LRRC1: variants seen among roughly 807,000 people sequenced by gnomAD.
LRRC1 encodes leucine rich repeat containing 1, also known as leucine-rich repeat-containing protein 1.
A neutral mutation model predicts 69.9 loss-of-function variants in LRRC1; 28 were observed. That is an observed-to-expected ratio of 0.40 (90% CI 0.30 to 0.55). The LOEUF is 0.55. LRRC1 is among the 20% of genes least tolerant of loss of function. LRRC1 has a pLI of 0.47. For synonymous variants in LRRC1, 236 were observed against 240.2 expected, an observed-to-expected ratio of 0.98 and a Z score of 0.16; for missense variants, 498 against 609.0, an observed-to-expected ratio of 0.82 and a Z score of 1.92.
intron 3 of LRRC1, 146 bp from the exon 4 acceptor site, chr6:53,882,741 A>C (rs1767340683): frequency 1.8e-6 from 1 of 559,916 alleles, no homozygotes; most frequent in Non-Finnish European, 3.1e-6. Context: ...ATATATAGGA[A>C]GACAAGGCAA....
rs1326389962 is a variant in LRRC1, at chr6:53,923,810, G to A, written c.*1017G>A. ...ATTTTTATTCAAGAAAGCTTTAAAA[G>A]TTTTATATCCAGATATACAACCACA... On this transcript the variant is annotated 3_prime_UTR_variant, in exon 14 of 14. Coordinates refer to ENST00000370888, the MANE Select transcript of LRRC1 (RefSeq NM_018214.5). 7.9e-5 allele frequency: 12 copies of A among 152,656 alleles called. No homozygotes were observed. The East Asian group carries it at 2.3e-3, about 29-fold the overall frequency. The allele number at this position is 152,656 out of a possible 1,614,324, so 9.5% of individuals were successfully genotyped here. A position where few individuals can be genotyped will look rare whatever the true frequency, so the allele number is the denominator to read the frequency against.
intron 1 of LRRC1, among the ~76,000 whole-genome samples, chr6:53,835,677 C>T (rs1291413675): frequency 2.6e-5 from 4 of 151,962 alleles, no homozygotes; most frequent in African/African-American, 9.7e-5. Flanking sequence ...TGTCTATATC[C>T]TTTTCATATA....
chr6:53,800,077 C>G (rs1169027299), intron 1 of LRRC1, among the ~76,000 whole-genome samples: 1 of 152,128 alleles, frequency 6.6e-6, no homozygotes, highest in Non-Finnish European at 1.5e-5. Context: ...CTTGGAGACT[C>G]TGTTCAAGCC....
At chr6:53,834,965 AAAT>A (rs1279206307) in intron 1 of LRRC1, among the ~76,000 whole-genome samples, 1 of 152,196 alleles carries the variant, frequency 6.6e-6, no homozygotes, top group Non-Finnish European at 1.5e-5. Flanking sequence ...CCGTCTCAAA[AAAT>A]AATAATAATA....
At chr6:53,798,348 CTG>C (rs774654777) in intron 1 of LRRC1, among the ~76,000 whole-genome samples, 1 of 152,188 alleles carries the variant, frequency 6.6e-6, no homozygotes, top group Non-Finnish European at 1.5e-5. Flanking sequence ...CTTGAGATGT[CTG>C]TGTGTTTTTG....
intron 4 of LRRC1, among the ~76,000 whole-genome samples, chr6:53,886,443 G>A (rs1581899676): frequency 1.3e-5 from 2 of 152,108 alleles, no homozygotes; most frequent in Admixed American, 6.5e-5. Context: ...TTATAATGGT[G>A]GTGGGTTAAA....
At chr6:53,849,016 C>G (rs1447413876) in intron 2 of LRRC1, among the ~76,000 whole-genome samples, 1 of 151,068 alleles carries the variant, frequency 6.6e-6, no homozygotes, top group East Asian at 1.9e-4. Context: ...CTCAGCCTCC[C>G]AAAGTGCTGG....
chr6:53,806,142 G>C (rs1157856847), intron 1 of LRRC1, among the ~76,000 whole-genome samples: 1 of 152,190 alleles, frequency 6.6e-6, no homozygotes, highest in East Asian at 1.9e-4. Context: ...CATCTCCTCT[G>C]TGGTCTCTGG....
chr6:53,804,622 ACT>A lies in LRRC1; in HGVS notation c.159+9208_159+9209del, dbSNP rs1204489466. ...AGTATTCCATTGTATTGGATATAGC[ACT>A]GTTATTTATTTTTTAACTCTTTTCC... is the stretch of plus-strand genomic sequence containing the variant. On this transcript the variant is annotated intron_variant, in intron 1 of 13. Transcript: ENST00000370888. 3.3e-5 allele frequency among the ~76,000 whole-genome samples: 5 copies of A among 152,300 alleles called. No individual in the cohort carries two copies. The South Asian group carries it at 1.0e-3, about 32-fold the overall frequency.
Position 53,920,753 on chromosome 6 carries a change from A to G in LRRC1, c.1408A>G (p.Asn470Asp), listed in dbSNP as rs1348940667. ...FVEDEKDEED[N>D]ETRTLLRRAT... is the part of the protein sequence containing the mutation. ...GGAGGATGAGAAAGATGAAGAAGAC[A>G]ATGAGACGGTATGGAAATGCAGATT... The change falls in exon 13 of 14, where the codon AAT becomes GAT. Residue 470 changes from asparagine (N) to aspartate (D), a missense_variant. Physicochemically the swap from Asn to Asp is conservative, Grantham distance 23. Around this residue, in one of 3 missense-constraint regions of LRRC1, gnomAD observed 162 missense variants for 162.9 expected, o/e 0.99. Coordinates refer to ENST00000370888, the MANE Select transcript of LRRC1 (RefSeq NM_018214.5). The G allele has an allele frequency of 6.2e-7, 1 of 1,614,192 alleles. No individual in the cohort carries two copies. The highest frequency in any genetic ancestry group is 1.1e-5 in the South Asian group (1 of 91,082).
At chr6:53,893,653 A>G (rs1224709086) in intron 4 of LRRC1, among the ~76,000 whole-genome samples, 2 of 152,144 alleles carry the variant, frequency 1.3e-5, no homozygotes, top group Non-Finnish European at 2.9e-5. Context: ...TTGAAACACT[A>G]ACAGTTCCAA....
At chr6:53,867,909 C>T (rs927705801) in intron 2 of LRRC1, among the ~76,000 whole-genome samples, 10 of 150,262 alleles carry the variant, frequency 6.7e-5, no homozygotes, top group Admixed American at 4.6e-4. Flanking sequence ...GCCAAGATTG[C>T]GCCACTGCAT....
intron 2 of LRRC1, among the ~76,000 whole-genome samples, chr6:53,863,451 C>T (rs186356110): frequency 6.6e-5 from 10 of 152,328 alleles, no homozygotes; most frequent in South Asian, 2.1e-4. Flanking sequence ...CTTCCGCTCC[C>T]GGGCTCTTCT....
chr6:53,916,172 C>T (rs1302834517), intron 11 of LRRC1, among the ~76,000 whole-genome samples: 3 of 152,156 alleles, frequency 2.0e-5, no homozygotes, highest in Non-Finnish European at 4.4e-5. Flanking sequence ...TTCCTTAATA[C>T]TTAGACTCTC....
chr6:53,874,355 A>G (rs1581891493), intron 2 of LRRC1, among the ~76,000 whole-genome samples: 1 of 151,992 alleles, frequency 6.6e-6, no homozygotes, highest in East Asian at 1.9e-4. Context: ...AGCTATATAT[A>G]TATGATATAT....
rs41273890 is a variant in LRRC1, at chr6:53,922,840, G to T, written c.*47G>T. 10,138 of 1,582,246 alleles carry T rather than the reference G, an allele frequency of 6.4e-3. 39 individuals are homozygous for T. Among genetic ancestry groups the T allele is most frequent in the Non-Finnish European group, 6.9e-3 (7,959 of 1,159,374 alleles). On this transcript the variant is annotated 3_prime_UTR_variant, in exon 14 of 14. Coordinates refer to ENST00000370888, the MANE Select transcript of LRRC1 (RefSeq NM_018214.5). ...CTCCTGTGTCTTCCTCTGCTGTCGA[G>T]ACGTTCCTGTCTGCTTCCCGGGAGC...
At chr6:53,848,944 A>G (rs932372555) in intron 2 of LRRC1, among the ~76,000 whole-genome samples, 2 of 150,926 alleles carry the variant, frequency 1.3e-5, no homozygotes, top group Non-Finnish European at 2.9e-5. Flanking sequence ...TTTAGTAGAG[A>G]TGGGGTTTCT....
intron 13 of LRRC1, among the ~76,000 whole-genome samples, chr6:53,921,327 C>T (rs1292105900): frequency 6.6e-6 from 1 of 152,040 alleles, no homozygotes; most frequent in African/African-American, 2.4e-5. Flanking sequence ...GTAATAGTTT[C>T]CCCTCCCACT....
At chr6:53,897,150 G>T in intron 6 of LRRC1, 135 bp from the exon 7 acceptor site, 1 of 660,232 alleles carries the variant, frequency 1.5e-6, no homozygotes. Context: ...GAAAGGGGCT[G>T]GATGTTAAGA....
Sources: allele counts gnomAD v4.1 joint callset (sites outside exome capture counted in the v4.1 genomes callset), GRCh38; gene constraint gnomAD v4.1.1; regional missense constraint gnomAD v4.1.1; transcripts MANE v1.5; gene names NCBI Gene and HGNC (gene_info 2026-07-23, HGNC 2026-07-21).